Variants in EIF4G3 observed in about 807,000 individuals in gnomAD.
The protein encoded by EIF4G3 is eukaryotic translation initiation factor 4 gamma 3.
EIF4G3 carries 34 observed loss-of-function variants against 186.4 expected under a neutral mutation model. The ratio of observed to expected loss-of-function variants is 0.18; its 90% CI spans 0.14 to 0.24. The LOEUF (loss-of-function observed/expected upper bound fraction) is 0.24, where lower values mean the gene tolerates loss of function less well. Among genes scored for constraint, EIF4G3 ranks in the 10% least tolerant of loss-of-function variants. The pLI is 1.00. For synonymous variants in EIF4G3, 673 were observed against 679.5 expected (o/e 0.99, Z 0.15); for missense variants, 1,536 against 1,948.5 (o/e 0.79, Z 3.99).
intron 18 of EIF4G3, among the ~76,000 whole-genome samples, chr1:20,890,126 C>T (rs1272692238): frequency 6.6e-6 from 1 of 151,982 alleles, no homozygotes; most frequent in Admixed American, 6.6e-5. Flanking sequence ...ACATGTACCA[C>T]CACGCCTGGC....
chr1:21,033,513 A>T (rs2092919000), intron 4 of EIF4G3, among the ~76,000 whole-genome samples: 1 of 152,210 alleles, frequency 6.6e-6, no homozygotes, highest in African/African-American at 2.4e-5. Flanking sequence ...GGCAAGGAAC[A>T]TTTATTTAGC....
At chr1:20,994,985 G>A (rs1228392009) in intron 7 of EIF4G3, among the ~76,000 whole-genome samples, 1 of 152,030 alleles carries the variant, frequency 6.6e-6, no homozygotes, top group Admixed American at 6.6e-5. Flanking sequence ...AAATTCATGA[G>A]CAGTATCATA....
intron 2 of EIF4G3, among the ~76,000 whole-genome samples, chr1:21,141,064 C>T (rs1342660972): frequency 6.6e-6 from 1 of 152,062 alleles, no homozygotes; most frequent in East Asian, 1.9e-4. Context: ...ATATCTTGAA[C>T]CAACTGTTCT....
chr1:21,013,886 T>TA (rs1162182894), intron 4 of EIF4G3, among the ~76,000 whole-genome samples: 1 of 152,026 alleles, frequency 6.6e-6, no homozygotes, highest in African/African-American at 2.4e-5. Flanking sequence ...AGTATAGAAA[T>TA]AGGCTGGGCA....
intron 7 of EIF4G3, among the ~76,000 whole-genome samples, chr1:20,996,097 A>G (rs139783632): frequency 0.013 from 1,929 of 152,270 alleles, 44 homozygotes; most frequent in African/African-American, 0.044. Context: ...AGAAACTAAT[A>G]TTTTTATTAT....
intron 32 of EIF4G3, among the ~76,000 whole-genome samples, chr1:20,825,868 G>A (rs1377888561): frequency 2.0e-5 from 3 of 152,180 alleles, no homozygotes; most frequent in African/African-American, 7.2e-5. Context: ...CCAAGAGAGA[G>A]AATAAAGAAG....
chr1:20,987,328 T>G (rs2079807700), intron 7 of EIF4G3, among the ~76,000 whole-genome samples: 5 of 152,262 alleles, frequency 3.3e-5, no homozygotes, highest in Admixed American at 3.3e-4. Context: ...TTAATCACAT[T>G]AGATATTCCC....
intron 20 of EIF4G3, among the ~76,000 whole-genome samples, chr1:20,873,318 C>T (rs570357526): frequency 9.0e-4 from 137 of 152,196 alleles, no homozygotes; most frequent in African/African-American, 3.2e-3. Flanking sequence ...AATGCTACAA[C>T]ATTTTTGTAT....
intron 12 of EIF4G3, among the ~76,000 whole-genome samples, chr1:20,952,434 G>A (rs1045621807): frequency 3.3e-5 from 5 of 152,102 alleles, no homozygotes; most frequent in Non-Finnish European, 5.9e-5. Flanking sequence ...GATTACAGAC[G>A]TAAGCCACTG....
chr1:21,013,174 A>C (rs764993397), intron 4 of EIF4G3, among the ~76,000 whole-genome samples: 4 of 152,148 alleles, frequency 2.6e-5, no homozygotes, highest in Non-Finnish European at 4.4e-5. Flanking sequence ...AGAAGCTGCC[A>C]ACTCAACTGT....
At chr1:21,114,601 GTTATTCA>G (rs2096784901) in intron 2 of EIF4G3, among the ~76,000 whole-genome samples, 1 of 152,106 alleles carries the variant, frequency 6.6e-6, no homozygotes, top group Admixed American at 6.5e-5. Flanking sequence ...TCACACAAGT[GTTATTCA>G]TTAAGACCAC....
At chr1:20,942,567 A>G (rs1210153779) in intron 13 of EIF4G3, among the ~76,000 whole-genome samples, 1 of 152,218 alleles carries the variant, frequency 6.6e-6, no homozygotes, top group African/African-American at 2.4e-5. Flanking sequence ...GAATCTATTC[A>G]CCAAAAAATT....
intron 18 of EIF4G3, among the ~76,000 whole-genome samples, chr1:20,891,719 G>A (rs1236869482): frequency 6.6e-6 from 1 of 151,610 alleles, no homozygotes; most frequent in Non-Finnish European, 1.5e-5. Flanking sequence ...CCTAGGAGGT[G>A]GCAGGGCTTG....
chr1:21,059,465 G>A (rs1378969714), intron 3 of EIF4G3, among the ~76,000 whole-genome samples: 2 of 151,996 alleles, frequency 1.3e-5, no homozygotes, highest in South Asian at 4.2e-4. Context: ...GAGCACTACA[G>A]TGGATATGAG....
intron 20 of EIF4G3, among the ~76,000 whole-genome samples, chr1:20,877,287 GAATT>G (rs1255982055): frequency 6.6e-6 from 1 of 152,184 alleles, no homozygotes; most frequent in Non-Finnish European, 1.5e-5. Context: ...CAGAAATGGA[GAATT>G]AGTTTGCTTC....
intron 2 of EIF4G3, among the ~76,000 whole-genome samples, chr1:21,091,738 T>G (rs1332174189): frequency 6.6e-6 from 1 of 152,192 alleles, no homozygotes; most frequent in East Asian, 1.9e-4. Context: ...CTAGGTATTT[T>G]ATTCCCTTTG....
chr1:20,886,442 G>A, intron 18 of EIF4G3, 71 bp from the exon 19 acceptor site: 1 of 1,456,020 alleles, frequency 6.9e-7, no homozygotes, highest in Admixed American at 2.0e-5. Context: ...TTCAAGTCAA[G>A]TCTGATGACT....
At chr1:20,872,657 A>G (rs2079535785) in intron 20 of EIF4G3, among the ~76,000 whole-genome samples, 2 of 149,884 alleles carry the variant, frequency 1.3e-5, no homozygotes, top group African/African-American at 4.9e-5. Flanking sequence ...GCACATCCAC[A>G]ACCCCTTGTC....
chr1:20,898,854 C>T (rs2089339825), intron 16 of EIF4G3, among the ~76,000 whole-genome samples: 1 of 152,170 alleles, frequency 6.6e-6, no homozygotes. Context: ...CCTCAGCTTC[C>T]CAAGTAGCTG....
Sources: allele counts gnomAD v4.1 joint callset (sites outside exome capture counted in the v4.1 genomes callset), GRCh38; gene constraint gnomAD v4.1.1; transcripts MANE v1.5; gene names NCBI Gene and HGNC (gene_info 2026-07-23, HGNC 2026-07-21).